The following HHAT variants were observed in gnomAD, a reference collection of about 807,000 sequenced individuals.
HHAT encodes the protein hedgehog acyltransferase.
A neutral mutation model predicts 70.8 loss-of-function variants in HHAT; 47 were observed. The ratio of observed to expected loss-of-function variants is 0.66; its 90% CI spans 0.53 to 0.85. The LOEUF is 0.85. Ranked by LOEUF, HHAT falls within the 40% of genes least tolerant of loss-of-function variation. The pLI, the probability that HHAT is intolerant of heterozygous loss-of-function variation, is 0.00. For missense variants in HHAT, 609 were observed against 604.8 expected (o/e 1.01, Z -0.07); for synonymous variants, 228 against 247.6 (o/e 0.92, Z 0.74).
intron 1 of HHAT, among the ~76,000 whole-genome samples, chr1:210,337,249 C>G (rs927917986): frequency 2.6e-5 from 4 of 151,972 alleles, no homozygotes; most frequent in Non-Finnish European, 5.9e-5. Flanking sequence ...ACTTTTCTTC[C>G]AATTTAAGTT....
At chr1:210,554,232 C>G (rs1375630624) in intron 9 of HHAT, among the ~76,000 whole-genome samples, 3 of 152,086 alleles carry the variant, frequency 2.0e-5, no homozygotes, top group Admixed American at 6.6e-5. Context: ...TCCTCAGTGC[C>G]CCTTTTAAGG....
At chr1:210,609,288 A>C (rs980169511) in intron 10 of HHAT, among the ~76,000 whole-genome samples, 1 of 152,066 alleles carries the variant, frequency 6.6e-6, no homozygotes, top group Non-Finnish European at 1.5e-5. Flanking sequence ...AAGATTTAAA[A>C]ATTTTCTATA....
intron 9 of HHAT, among the ~76,000 whole-genome samples, chr1:210,540,735 C>T (rs2095422111): frequency 6.6e-6 from 1 of 151,954 alleles, no homozygotes; most frequent in Non-Finnish European, 1.5e-5. Context: ...TTTAGAACTC[C>T]TGGGCTCAAG....
chr1:210,524,571 G>C (rs1010958719), intron 9 of HHAT, among the ~76,000 whole-genome samples: 1 of 152,226 alleles, frequency 6.6e-6, no homozygotes, highest in Non-Finnish European at 1.5e-5. Flanking sequence ...TGGAGGAAGA[G>C]GGAACAGCCA....
rs573796502 is a variant in HHAT at position 210,596,944 on chromosome 1, C to G, written c.1245+8845C>G. 5.3e-5 allele frequency among the ~76,000 whole-genome samples: 8 copies of G among 152,120 alleles called. 1 individual carries two copies. The highest frequency in any genetic ancestry group is 4.1e-4 in the South Asian group (2 of 4,828). ...ATTGTAGTCTTCACAGTTTGGGCTT[C>G]TTTGTGCCTATCCTTCTTGGGAAGG... is the stretch of plus-strand genomic sequence containing the variant. On this transcript the variant is annotated intron_variant, in intron 10 of 11. Transcript: ENST00000261458.
At chr1:210,669,707 A>G (rs1317592556) in intron 11 of HHAT, among the ~76,000 whole-genome samples, 1 of 152,228 alleles carries the variant, frequency 6.6e-6, no homozygotes, top group Non-Finnish European at 1.5e-5. Context: ...CCCTGCAGGA[A>G]ATTACACATA....
chr1:210,655,000 A>G (rs1387158556), intron 11 of HHAT, among the ~76,000 whole-genome samples: 1 of 152,236 alleles, frequency 6.6e-6, no homozygotes, highest in Admixed American at 6.5e-5. Flanking sequence ...AGCCCATTGA[A>G]GGAGGCTGGT....
intron 11 of HHAT, among the ~76,000 whole-genome samples, chr1:210,661,061 A>G (rs2148959739): frequency 6.6e-6 from 1 of 152,376 alleles, no homozygotes; most frequent in East Asian, 1.9e-4. Flanking sequence ...GCCAAAATTG[A>G]CAAATGGGAT....
chr1:210,637,285 C>G (rs1262112215), intron 11 of HHAT, among the ~76,000 whole-genome samples: 1 of 152,036 alleles, frequency 6.6e-6, no homozygotes, highest in East Asian at 1.9e-4. Flanking sequence ...GGATCAAAGA[C>G]CAAAATGTAA....
intron 11 of HHAT, among the ~76,000 whole-genome samples, chr1:210,647,555 C>G (rs989272136): frequency 6.6e-6 from 1 of 152,078 alleles, no homozygotes; most frequent in Non-Finnish European, 1.5e-5. Flanking sequence ...CGCCATCCTC[C>G]CTGCTTCCCA....
chr1:210,619,391 C>T (rs1188636751), intron 10 of HHAT, among the ~76,000 whole-genome samples: 1 of 152,158 alleles, frequency 6.6e-6, no homozygotes, highest in Non-Finnish European at 1.5e-5. Context: ...CCTCACTCTC[C>T]ATGTGATGAC....
At chr1:210,454,513 C>T (rs2093822085) in intron 7 of HHAT, among the ~76,000 whole-genome samples, 1 of 152,182 alleles carries the variant, frequency 6.6e-6, no homozygotes, top group African/African-American at 2.4e-5. Context: ...GAGATCGTGC[C>T]ACTGCACTCC....
At chr1:210,664,070 T>C (rs1309051808) in intron 11 of HHAT, among the ~76,000 whole-genome samples, 9 of 152,220 alleles carry the variant, frequency 5.9e-5, no homozygotes, top group African/African-American at 1.4e-4. Context: ...AAAGCTTCTG[T>C]CCATCTCCCC....
intron 8 of HHAT, among the ~76,000 whole-genome samples, chr1:210,504,865 T>G (rs1349612639): frequency 6.6e-6 from 1 of 152,110 alleles, no homozygotes; most frequent in East Asian, 1.9e-4. Flanking sequence ...TTATTTTCAC[T>G]TCACTTCTCA....
At chr1:210,591,367 C>G (rs899050199) in intron 10 of HHAT, among the ~76,000 whole-genome samples, 3 of 152,094 alleles carry the variant, frequency 2.0e-5, no homozygotes, top group African/African-American at 7.2e-5. Flanking sequence ...CATGTTGTTG[C>G]AAAAGATAGG....
intron 11 of HHAT, among the ~76,000 whole-genome samples, chr1:210,667,937 T>A (rs1679265337): frequency 6.6e-6 from 1 of 152,188 alleles, no homozygotes; most frequent in African/African-American, 2.4e-5. Context: ...CTTGCAAAAC[T>A]GAAACTTTAT....
At chr1:210,584,854 T>C (rs1282328201) in intron 9 of HHAT, among the ~76,000 whole-genome samples, 2 of 152,214 alleles carry the variant, frequency 1.3e-5, no homozygotes, top group East Asian at 1.9e-4. Flanking sequence ...CCCATCCTTA[T>C]AGCAAGAACA....
chr1:210,471,030 G>C (rs147250310), intron 8 of HHAT, among the ~76,000 whole-genome samples: 2,000 of 152,194 alleles, frequency 0.013, 50 homozygotes, highest in African/African-American at 0.046. Flanking sequence ...TGCTGTAACC[G>C]TAGCACCCTC....
In HHAT at chr1:210,606,233, A is replaced by AT. The variant is rs1362329054; in HGVS notation, c.1246-17288dup. Among the ~76,000 whole-genome samples the AT allele has an allele frequency of 4.6e-5, 7 of 151,868 alleles. No homozygotes were observed. In the East Asian group the frequency reaches 1.4e-3, roughly 29 times the overall value. ...TGTTAGCATCTTAGACCTACTCCCT[A>AT]TTTTTCCTCCTAATATAATAACTTC... On this transcript the variant is annotated intron_variant, in intron 10 of 11. Coordinates refer to ENST00000261458, the MANE Select transcript of HHAT (RefSeq NM_018194.6).
Sources: gnomAD v4.1 joint callset for allele counts (sites outside exome capture counted in the v4.1 genomes callset) on GRCh38, gnomAD v4.1.1 for gene constraint, MANE v1.5 for transcripts, NCBI Gene and HGNC (gene_info 2026-07-23, HGNC 2026-07-21) for gene names.